Variants in WNK3 observed in about 807,000 individuals in gnomAD.
WNK3 encodes the protein WNK lysine deficient protein kinase 3, also known as serine/threonine-protein kinase WNK3.
In WNK3, 18 loss-of-function variants were observed where a neutral mutation model predicts 116.7. That is an observed-to-expected ratio of 0.15 (90% CI 0.11 to 0.23). The LOEUF is 0.23. WNK3 is among the 10% of genes least tolerant of loss of function. WNK3 has a pLI of 1.00. For missense variants in WNK3, 993 were observed against 1,323.8 expected, an observed-to-expected ratio of 0.75 and a Z score of 3.88; for synonymous variants, 404 against 469.4, an observed-to-expected ratio of 0.86 and a Z score of 1.80.
intron 22 of WNK3, chrX:54,223,769 G>T: frequency 6.6e-6 from 1 of 150,562 alleles, no homozygotes; most frequent in South Asian, 1.4e-4. Context: ...AGCTGGTGGT[G>T]ACTGCACGTG....
intron 10 of WNK3, among the ~76,000 whole-genome samples, chrX:54,267,338 G>C (rs1396504746): frequency 2.7e-5 from 3 of 110,396 alleles, no homozygotes; most frequent in Non-Finnish European, 5.7e-5. Flanking sequence ...AAAGTGCTGG[G>C]ATTACAGGGG....
chrX:54,345,065 C>T (rs782194303), intron 1 of WNK3, among the ~76,000 whole-genome samples: 1 of 109,394 alleles, frequency 9.1e-6, no homozygotes, highest in East Asian at 2.9e-4. Flanking sequence ...CTGGCTAACA[C>T]GGTGAAACCC....
At chrX:54,210,622 G>A (rs189666246) in intron 22 of WNK3, among the ~76,000 whole-genome samples, 1 of 111,654 alleles carries the variant, frequency 9.0e-6, no homozygotes, top group Non-Finnish European at 1.9e-5. Context: ...GCAAGACCCT[G>A]TCTCTAAAAA....
At chrX:54,213,802 C>T (rs782065224) in intron 22 of WNK3, among the ~76,000 whole-genome samples, 7 of 109,391 alleles carry the variant, frequency 6.4e-5, no homozygotes, top group Non-Finnish European at 1.3e-4. Flanking sequence ...AAGGTGACGT[C>T]ATTCCCCAGA....
At chrX:54,354,982 G>A (rs1341149657) in intron 1 of WNK3, among the ~76,000 whole-genome samples, 2 of 111,035 alleles carry the variant, frequency 1.8e-5, no homozygotes, top group Non-Finnish European at 3.8e-5. Flanking sequence ...TACTAGGGAG[G>A]CTGAGGCAGG....
chrX:54,214,381 T>G (rs1441712540), intron 22 of WNK3, among the ~76,000 whole-genome samples: 1 of 111,443 alleles, frequency 9.0e-6, no homozygotes, highest in African/African-American at 3.3e-5. Flanking sequence ...GAAATAATAC[T>G]AACTCAAGAC....
intron 11 of WNK3, among the ~76,000 whole-genome samples, chrX:54,257,519 G>C (rs1160863868): frequency 1.8e-5 from 2 of 111,114 alleles, no homozygotes; most frequent in Non-Finnish European, 3.8e-5. Flanking sequence ...AATAGGCCAG[G>C]CATGGTGGCT....
At position 54,237,151 on chromosome X, in the gene WNK3, T is replaced by C. The variant is rs1557150322; in HGVS notation, c.4415A>G (p.Asp1472Gly). 2.5e-6 allele frequency: 3 copies of C among 1,212,067 alleles called. No homozygotes were observed. In the South Asian group the frequency reaches 5.3e-5, roughly 21 times the overall value. The change falls in exon 20 of 24, where the codon GAT (aspartate) becomes GGT (glycine). Residue 1472 changes from aspartate (D) to glycine (G), a missense_variant. Asp to Gly is a moderately conservative substitution (Grantham distance 94). Around this residue, in one of 4 missense-constraint regions of WNK3, gnomAD observed 836 missense variants for 976.5 expected, o/e 0.86. Transcript: ENST00000354646. ...AGCAAGACTGGCTGAAAATTCACTA[T>C]CAGAGCTAGGCTGTTTCCCAGCAGT... is the stretch of plus-strand genomic sequence containing the variant.
chrX:54,322,243 G>C (rs1288028892), intron 2 of WNK3, among the ~76,000 whole-genome samples: 1 of 111,385 alleles, frequency 9.0e-6, no homozygotes, highest in Admixed American at 9.7e-5. Context: ...TTATAATTTA[G>C]CTCCCCATGT....
At chrX:54,319,705 T>C (rs1384830512) in intron 2 of WNK3, among the ~76,000 whole-genome samples, 1 of 112,418 alleles carries the variant, frequency 8.9e-6, no homozygotes, top group Non-Finnish European at 1.9e-5. Flanking sequence ...AAGGGGAAAG[T>C]AAACCTGTTA....
chrX:54,250,964 A>G (rs1557154032), intron 15 of WNK3, among the ~76,000 whole-genome samples: 1 of 111,711 alleles, frequency 9.0e-6, no homozygotes, highest in Admixed American at 9.6e-5. Flanking sequence ...ATCAGTGACC[A>G]GCGCAAGTAG....
Position 54,259,342 on chromosome X carries a change from T to C in WNK3, c.2038-4A>G. 1 of 1,165,671 alleles carries C rather than the reference T, an allele frequency of 8.6e-7. No homozygotes were observed. Among genetic ancestry groups the C allele is most frequent in the Non-Finnish European group, 1.2e-6 (1 of 863,434 alleles). On this transcript the variant is annotated splice_polypyrimidine_tract_variant and splice_region_variant and intron_variant, in intron 10 of 23. Transcript: ENST00000354646. ...CTCCAACTGGTTGGGATACAGGCTG[T>C]AAACAGTACAGACATAAAACTTGCT...
chrX:54,286,187 G>T, intron 10 of WNK3, among the ~76,000 whole-genome samples: 1 of 108,252 alleles, frequency 9.2e-6, no homozygotes, highest in Middle Eastern at 4.7e-3. Context: ...TCTGTGTAGT[G>T]CAGGAAAACA....
At chrX:54,284,410 A>G (rs1429406260) in intron 10 of WNK3, among the ~76,000 whole-genome samples, 1 of 111,731 alleles carries the variant, frequency 9.0e-6, no homozygotes, top group Non-Finnish European at 1.9e-5. Context: ...GAGCTCTCAT[A>G]CATTGCTGGT....
At chrX:54,270,236 G>A (rs781869239) in intron 10 of WNK3, among the ~76,000 whole-genome samples, 15 of 109,340 alleles carry the variant, frequency 1.4e-4, no homozygotes, top group Admixed American at 6.9e-4. Flanking sequence ...CTCCTGTGTA[G>A]GTAGGACTAC....
intron 22 of WNK3, among the ~76,000 whole-genome samples, chrX:54,208,195 G>A (rs972151518): frequency 3.6e-5 from 4 of 110,489 alleles, no homozygotes; most frequent in African/African-American, 1.3e-4. Context: ...CGCGATCTCA[G>A]CTCACTGCAA....
intron 1 of WNK3, among the ~76,000 whole-genome samples, chrX:54,336,992 T>C (rs782610364): frequency 2.2e-4 from 25 of 111,455 alleles, no homozygotes; most frequent in Admixed American, 6.7e-4. Context: ...AAGACTAGTA[T>C]TGTATGCAAG....
intron 1 of WNK3, among the ~76,000 whole-genome samples, chrX:54,346,209 T>C (rs1733304434): frequency 1.0e-5 from 1 of 99,948 alleles, no homozygotes; most frequent in Admixed American, 1.1e-4. Flanking sequence ...TCACCTTGGG[T>C]GTTGAATATT....
intron 15 of WNK3, among the ~76,000 whole-genome samples, chrX:54,251,156 G>A (rs1410882248): frequency 9.0e-6 from 1 of 111,717 alleles, no homozygotes; most frequent in East Asian, 2.8e-4. Flanking sequence ...TACTGTGACT[G>A]CTTTTCTGGT....
Sources: allele counts gnomAD v4.1 joint callset (sites outside exome capture counted in the v4.1 genomes callset), GRCh38; gene constraint gnomAD v4.1.1; regional missense constraint gnomAD v4.1.1; transcripts MANE v1.5; gene names NCBI Gene and HGNC (gene_info 2026-07-23, HGNC 2026-07-21).